PCDHA9: variants seen among roughly 807,000 people sequenced by gnomAD.
The protein encoded by PCDHA9 is protocadherin alpha 9.
In PCDHA9, 62 loss-of-function variants were observed where a neutral mutation model predicts 62.0. That is an observed-to-expected ratio of 1.00 (90% CI 0.81 to 1.23). The LOEUF is 1.23. Among genes scored for constraint, PCDHA9 ranks in the 50% most tolerant of loss-of-function variants. The pLI is 0.00. For synonymous variants in PCDHA9, 557 were observed against 567.6 expected (o/e 0.98, Z 0.27); for missense variants, 1,205 against 1,249.8 (o/e 0.96, Z 0.54).
At chr5:140,862,216 T>C in intron 1 of PCDHA9, 1 of 205,622 alleles carries the variant, frequency 4.9e-6, no homozygotes, top group Non-Finnish European at 9.9e-6. Flanking sequence ...TGCACAGACT[T>C]GATAGAAGTC....
chr5:140,953,267 C>G (rs902465304), intron 1 of PCDHA9, among the ~76,000 whole-genome samples: 4 of 152,068 alleles, frequency 2.6e-5, no homozygotes, highest in African/African-American at 4.8e-5. Flanking sequence ...TTAGCTTTAG[C>G]CTTTGCTCTT....
intron 1 of PCDHA9, chr5:140,856,447 CG>C (rs782392908): frequency 2.5e-6 from 4 of 1,598,330 alleles, no homozygotes. Flanking sequence ...CCAGGTTCTC[CG>C]TAACAGAACA....
intron 1 of PCDHA9, among the ~76,000 whole-genome samples, chr5:140,885,773 G>T (rs1419137937): frequency 6.6e-6 from 1 of 152,016 alleles, no homozygotes; most frequent in African/African-American, 2.4e-5. Flanking sequence ...TATAGTATTA[G>T]TGAATTTGAG....
intron 1 of PCDHA9, chr5:140,863,488 A>C (rs1554158271): frequency 4.4e-6 from 2 of 451,898 alleles, no homozygotes; most frequent in African/African-American, 2.0e-5. Flanking sequence ...CCCAAGGTCA[A>C]CATTACGGCT....
At chr5:140,851,465 C>A in intron 1 of PCDHA9, 1 of 894,660 alleles carries the variant, frequency 1.1e-6, no homozygotes, top group Non-Finnish European at 1.4e-6. Flanking sequence ...CAAATTATGT[C>A]AATAAATGTT....
chr5:140,897,361 G>A (rs1455815825), intron 1 of PCDHA9, among the ~76,000 whole-genome samples: 1 of 123,218 alleles, frequency 8.1e-6, no homozygotes, highest in Non-Finnish European at 1.6e-5. Context: ...TGTCCCCAGA[G>A]TGTGATGTTC....
intron 1 of PCDHA9, chr5:140,882,078 C>T: frequency 1.1e-6 from 1 of 937,486 alleles, no homozygotes; most frequent in Non-Finnish European, 1.6e-6. Flanking sequence ...CGCATGGTGT[C>T]GCTCTTCACT....
intron 1 of PCDHA9, among the ~76,000 whole-genome samples, chr5:140,954,400 A>G (rs1349668578): frequency 6.6e-6 from 1 of 152,214 alleles, no homozygotes; most frequent in East Asian, 1.9e-4. Context: ...CAACCCCACC[A>G]ACAGGGTAAA....
chr5:140,952,444 A>C (rs2094747203), intron 1 of PCDHA9, among the ~76,000 whole-genome samples: 2 of 152,178 alleles, frequency 1.3e-5, no homozygotes. Flanking sequence ...GGCATAATAC[A>C]GCCAGGCTCT....
chr5:140,868,653 G>T (rs897751330), intron 1 of PCDHA9: 1 of 162,858 alleles, frequency 6.1e-6, no homozygotes, highest in African/African-American at 2.4e-5. Flanking sequence ...CTGTGTATAA[G>T]TATTTTAGAT....
At chr5:140,946,660 A>T (rs2094005518) in intron 1 of PCDHA9, among the ~76,000 whole-genome samples, 1 of 146,900 alleles carries the variant, frequency 6.8e-6, no homozygotes, top group African/African-American at 2.6e-5. Context: ...GCCATTAGAA[A>T]GAATGAAATC....
intron 3 of PCDHA9, among the ~76,000 whole-genome samples, chr5:141,002,751 C>T (rs1204940300): frequency 3.9e-5 from 6 of 152,152 alleles, no homozygotes; most frequent in African/African-American, 1.4e-4. Context: ...CATCGACAAC[C>T]CTGTGATGTA....
rs2150492229 is a variant in PCDHA9, at chr5:140,850,650, A to C, written c.2155A>C (p.Thr719Pro). 6.3e-7 allele frequency: 1 copy of C among 1,598,426 alleles called. No homozygotes were observed. The highest frequency in any genetic ancestry group is 2.2e-5 in the East Asian group (1 of 44,848). The change falls in exon 1 of 4, where the codon ACT (threonine) becomes CCT (proline). Residue 719 changes from threonine (T) to proline (P), a missense_variant. By Grantham distance (38) the Thr-to-Pro change is conservative. This residue lies in a region of PCDHA9 where 887 missense variants were observed against 809.5 expected (regional missense o/e 1.10). Transcript: ENST00000532602. ...SLLVLTLLLY[T>P]VLRCSAMPTE... is the part of the protein sequence containing the mutation. The stretch of plus-strand genomic sequence containing the variant: ...GTTGGTTCTCACGCTGCTGCTGTAC[A>C]CTGTGCTGCGGTGCTCGGCGATGCC...
chr5:140,884,423 AC>A, intron 1 of PCDHA9: 3 of 1,613,932 alleles, frequency 1.9e-6, no homozygotes, highest in Non-Finnish European at 2.5e-6. Flanking sequence ...GCTGCTGTAT[AC>A]TGCGCTGCGG....
At chr5:140,996,987 A>G (rs1554255592) in intron 3 of PCDHA9, among the ~76,000 whole-genome samples, 1 of 152,134 alleles carries the variant, frequency 6.6e-6, no homozygotes, top group African/African-American at 2.4e-5. Context: ...TGAAGCAACC[A>G]CTGTTAACAA....
intron 1 of PCDHA9, chr5:140,860,114 T>C (rs2046188052): frequency 6.6e-6 from 1 of 151,042 alleles, no homozygotes. Context: ...CATAGGGATA[T>C]CTTGTACTGT....
rs1367500775 is a variant in PCDHA9, at chr5:140,929,192, A to G, written c.2395-49757A>G. ...TCTCTGGGACTTGGTTCTGATAATA[A>G]CAGTTTGCTGTTGCGTGGGGAGTAC... On this transcript the variant is annotated intron_variant, in intron 1 of 3. Transcript: ENST00000532602. The G allele has an allele frequency of 8.1e-6, 13 of 1,614,124 alleles. 1 individual carries two copies. The highest frequency in any genetic ancestry group is 1.0e-5 in the Non-Finnish European group (12 of 1,180,018).
chr5:140,870,976 C>T (rs2052595345), intron 1 of PCDHA9: 1 of 1,613,480 alleles, frequency 6.2e-7, no homozygotes, highest in Non-Finnish European at 8.5e-7. Context: ...CCGCGTGGGG[C>T]TGTACACGGG....
intron 1 of PCDHA9, among the ~76,000 whole-genome samples, chr5:140,950,405 T>G (rs1258791881): frequency 3.3e-5 from 5 of 152,042 alleles, no homozygotes; most frequent in African/African-American, 1.2e-4. Flanking sequence ...TCTGGGGGAT[T>G]GACAGATTTT....
Sources: allele counts gnomAD v4.1 joint callset (sites outside exome capture counted in the v4.1 genomes callset), GRCh38; gene constraint gnomAD v4.1.1; regional missense constraint gnomAD v4.1.1; transcripts MANE v1.5; gene names NCBI Gene and HGNC (gene_info 2026-07-23, HGNC 2026-07-21).